PLCH1: variants seen among roughly 807,000 people sequenced by gnomAD.
PLCH1 encodes 1-phosphatidylinositol 4,5-bisphosphate phosphodiesterase eta-1.
In PLCH1, 60 loss-of-function variants were observed where a neutral mutation model predicts 126.7. That is an observed-to-expected ratio of 0.47 (90% CI 0.38 to 0.59). The LOEUF (loss-of-function observed/expected upper bound fraction) is 0.59, where lower values mean the gene tolerates loss of function less well. PLCH1 is among the 20% of genes least tolerant of loss of function. PLCH1 has a pLI of 0.00. For synonymous variants in PLCH1, 719 were observed against 734.9 expected (o/e 0.98, Z 0.35); for missense variants, 1,723 against 2,040.0 (o/e 0.84, Z 2.99).
At chr3:155,637,008 T>A (rs895310275) in intron 2 of PLCH1, among the ~76,000 whole-genome samples, 1 of 152,198 alleles carries the variant, frequency 6.6e-6, no homozygotes, top group East Asian at 1.9e-4. Flanking sequence ...AAATTATCAG[T>A]CTGTAATGGA....
intron 10 of PLCH1, among the ~76,000 whole-genome samples, chr3:155,524,612 G>A (rs915675155): frequency 1.3e-5 from 2 of 151,972 alleles, no homozygotes; most frequent in African/African-American, 4.8e-5. Context: ...AAAATAAGGG[G>A]GAGTGGAGAC....
intron 21 of PLCH1, among the ~76,000 whole-genome samples, chr3:155,473,152 G>A (rs2107985119): frequency 6.7e-6 from 1 of 149,526 alleles, no homozygotes; most frequent in East Asian, 2.0e-4. Flanking sequence ...CCTGTTTGCA[G>A]ATGACATGAT....
chr3:155,458,379 A>AAAG (rs1712523574), intron 21 of PLCH1, among the ~76,000 whole-genome samples: 1 of 108,148 alleles, frequency 9.2e-6, no homozygotes, highest in Admixed American at 9.7e-5. Flanking sequence ...AGAAAGAAAG[A>AAAG]AAGAAAGAAG....
chr3:155,660,062 T>TATTCATGA (rs1391743709), intron 2 of PLCH1, among the ~76,000 whole-genome samples: 1 of 152,182 alleles, frequency 6.6e-6, no homozygotes, highest in Non-Finnish European at 1.5e-5. Context: ...TCATTACCTA[T>TATTCATGA]ATTCATGAGT....
chr3:155,559,184 A>C (rs559254927), intron 8 of PLCH1, among the ~76,000 whole-genome samples: 1 of 152,140 alleles, frequency 6.6e-6, no homozygotes, highest in Non-Finnish European at 1.5e-5. Flanking sequence ...ACCTGAGTTC[A>C]AATCCCAGCT....
intron 2 of PLCH1, among the ~76,000 whole-genome samples, chr3:155,654,035 C>A (rs1294957220): frequency 6.6e-6 from 1 of 150,550 alleles, no homozygotes; most frequent in Non-Finnish European, 1.5e-5. Context: ...CACCTCTCCA[C>A]TGAAACCAGG....
chr3:155,656,533 A>G (rs1451642154), intron 2 of PLCH1, among the ~76,000 whole-genome samples: 2 of 152,208 alleles, frequency 1.3e-5, no homozygotes, highest in Non-Finnish European at 2.9e-5. Context: ...TTCACCAGAT[A>G]TAAGAAGAAA....
rs527813349 is a variant in PLCH1 at position 155,693,937 on chromosome 3, A to G, written c.79+10209T>C. ...AGGAGCGAAACTCTGTCTTAAAAAA[A>G]AAAGAAAGAAAGAAAAGAAAAGAAA... On this transcript the variant is annotated intron_variant, in intron 2 of 22. Transcript: ENST00000460012. 5.9e-5 allele frequency among the ~76,000 whole-genome samples: 9 copies of G among 152,278 alleles called. No homozygotes were observed. The South Asian group carries it at 1.9e-3, about 32-fold the overall frequency.
intron 13 of PLCH1, among the ~76,000 whole-genome samples, chr3:155,501,331 A>C (rs1434680863): frequency 1.3e-5 from 2 of 152,324 alleles, no homozygotes; most frequent in South Asian, 2.1e-4. Flanking sequence ...TTCTAGCAGC[A>C]GGAAAAAAAA....
intron 1 of PLCH1, among the ~76,000 whole-genome samples, chr3:155,718,488 T>C (rs560274239): frequency 2.0e-5 from 3 of 152,232 alleles, no homozygotes; most frequent in African/African-American, 4.8e-5. Context: ...TCAGATTGGG[T>C]AATTTATAAG....
chr3:155,533,243 A>G (rs1560122598), intron 10 of PLCH1, among the ~76,000 whole-genome samples: 2 of 151,922 alleles, frequency 1.3e-5, no homozygotes, highest in African/African-American at 4.8e-5. Context: ...CAGCCTGATG[A>G]TGTGATAGAA....
chr3:155,712,070 C>T (rs1231155748), intron 1 of PLCH1, among the ~76,000 whole-genome samples: 1 of 152,218 alleles, frequency 6.6e-6, no homozygotes, highest in East Asian at 1.9e-4. Flanking sequence ...GTGTAAGCCA[C>T]ATTGAGTTGG....
At chr3:155,523,854 C>T in intron 11 of PLCH1, 43 bp downstream of exon 11, 1 of 1,113,560 alleles carries the variant, frequency 9.0e-7, no homozygotes, top group East Asian at 2.4e-5. Flanking sequence ...CATTTTAATA[C>T]AGCATATCAA....
chr3:155,516,660 A>G (rs73011584), intron 11 of PLCH1, among the ~76,000 whole-genome samples: 10,560 of 152,120 alleles, frequency 0.069, 771 homozygotes, highest in African/African-American at 0.19. Context: ...CATCAGGCAC[A>G]CTGGGCCCCA....
chr3:155,551,388 T>C (rs1726092627), intron 9 of PLCH1, among the ~76,000 whole-genome samples: 1 of 127,934 alleles, frequency 7.8e-6, no homozygotes, highest in South Asian at 2.5e-4. Flanking sequence ...GAGGTTGCAG[T>C]GAGCTGAGAT....
chr3:155,526,535 TGTC>T (rs1361301903), intron 10 of PLCH1, among the ~76,000 whole-genome samples: 2 of 126,140 alleles, frequency 1.6e-5, no homozygotes, highest in African/African-American at 3.0e-5. Flanking sequence ...CACACACTGG[TGTC>T]GTGAGCTGTG....
intron 2 of PLCH1, among the ~76,000 whole-genome samples, chr3:155,697,268 C>T (rs780426529): frequency 6.6e-5 from 10 of 152,114 alleles, no homozygotes; most frequent in Non-Finnish European, 1.5e-4. Flanking sequence ...GAAATTAAGT[C>T]GCCCTAATCT....
chr3:155,685,551 G>A (rs1305770333), intron 2 of PLCH1, among the ~76,000 whole-genome samples: 1 of 152,142 alleles, frequency 6.6e-6, no homozygotes, highest in Non-Finnish European at 1.5e-5. Context: ...AAAGTAGTTG[G>A]AGACGATGTG....
Position 155,494,345 on chromosome 3 carries a change from G to A in PLCH1, c.2067C>T (p.Cys689=). Residue 689 remains cysteine, a synonymous_variant, in exon 16 of 23, where the codon TGC becomes TGT. Coordinates refer to ENST00000460012, the MANE Select transcript of PLCH1 (RefSeq NM_014996.4). ...FNPLPYWNAG[C]QLVALNYQSE... is the part of the protein sequence containing the mutation. ...TTCCCAAGGAATACACACCTAGCTG[G>A]CAGCCTGCGTTCCAGTAGGGGAGAG... The A allele has an allele frequency of 1.2e-6, 2 of 1,613,968 alleles. No homozygotes were observed. Among genetic ancestry groups the A allele is most frequent in the East Asian group, 4.5e-5 (2 of 44,890 alleles).
Sources: allele counts gnomAD v4.1 joint callset (sites outside exome capture counted in the v4.1 genomes callset), GRCh38; gene constraint gnomAD v4.1.1; transcripts MANE v1.5; gene names NCBI Gene and HGNC (gene_info 2026-07-23, HGNC 2026-07-21).